Variants in RELN observed in about 807,000 individuals in gnomAD.
RELN encodes the protein reelin.
In RELN, 108 loss-of-function variants were observed where a neutral mutation model predicts 427.6. The observed-to-expected ratio is 0.25, with a 90% CI of 0.22 to 0.30. The LOEUF is 0.30. Among genes scored for constraint, RELN ranks in the 10% least tolerant of loss-of-function variants. RELN has a pLI of 1.00. For missense variants in RELN, 3,715 were observed against 4,302.8 expected, an observed-to-expected ratio of 0.86 and a Z score of 3.82; for synonymous variants, 1,524 against 1,513.4, an observed-to-expected ratio of 1.01 and a Z score of -0.16.
chr7:103,625,242 T>A lies in RELN; in HGVS notation c.2702+4698A>T, dbSNP rs542415880. ...CTTTCTATGATAACATATTCAGTGTTGCTAGAATGTAATCCATCTGTGTAG... is the reference window on the plus strand; with the variant it reads ...CTTTCTATGATAACATATTCAGTGTAGCTAGAATGTAATCCATCTGTGTAG... On this transcript the variant is annotated intron_variant, in intron 20 of 64. Transcript: ENST00000428762. Among the ~76,000 whole-genome samples the A allele has an allele frequency of 2.6e-5, 4 of 152,340 alleles. No homozygotes were observed. In the East Asian group the frequency reaches 7.7e-4, roughly 29 times the overall value.
Position 103,611,931 on chromosome 7 carries a change from G to A in RELN, c.2703-128C>T. On this transcript the variant is annotated intron_variant, in intron 20 of 64. Coordinates refer to ENST00000428762, the MANE Select transcript of RELN (RefSeq NM_005045.4). ...CTTGTTTAAACCTTGCCAAATTCTAGAATGGATTTCGGTCAATCTAATAAA... is the reference window on the plus strand; with the variant it reads ...CTTGTTTAAACCTTGCCAAATTCTAAAATGGATTTCGGTCAATCTAATAAA... The A allele has an allele frequency of 3.9e-6, 3 of 766,382 alleles. No homozygotes were observed. In the South Asian group the frequency reaches 4.7e-5, roughly 12 times the overall value. The allele number at this position is 766,382 out of a possible 1,614,324, so 47.5% of individuals were successfully genotyped here.
intron 6 of RELN, among the ~76,000 whole-genome samples, chr7:103,742,313 G>C (rs139121558): frequency 0.02 from 3,020 of 152,106 alleles, 99 homozygotes; most frequent in African/African-American, 0.07. Context: ...ACAAAGATGG[G>C]AAAAAAACAG....
intron 58 of RELN, 103 bp downstream of exon 58, chr7:103,491,850 T>TCACA (rs1488010276): frequency 8.9e-4 from 454 of 509,686 alleles, no homozygotes; most frequent in East Asian, 2.5e-3. Context: ...TCTCTCTCTC[T>TCACA]CTCTCTCACA....
chr7:103,890,971 C>T (rs188674918), intron 2 of RELN, among the ~76,000 whole-genome samples: 8 of 152,072 alleles, frequency 5.3e-5, no homozygotes, highest in Admixed American at 3.3e-4. Context: ...AGCTGTAATC[C>T]CTCAGGAGGT....
chr7:103,511,111 A>C lies in RELN; in HGVS notation c.8120-106T>G, dbSNP rs967761913. The C allele has an allele frequency of 5.3e-6, 4 of 759,570 alleles. No homozygotes were observed. In the Admixed American group the frequency reaches 8.0e-5, roughly 15 times the overall value. The allele number at this position is 759,570 out of a possible 1,614,324, so 47.1% of individuals were successfully genotyped here. On this transcript the variant is annotated intron_variant, in intron 50 of 64. Coordinates refer to ENST00000428762, the MANE Select transcript of RELN (RefSeq NM_005045.4). The stretch of plus-strand genomic sequence containing the variant: ...GAATTATTTTAAGTAGAAACTGCTC[A>C]TATTATATACACTCTATAGACAAAA...
At position 103,563,537 on chromosome 7, in the gene RELN, T is replaced by C. The variant is rs987602966; in HGVS notation, c.5211-1584A>G. The stretch of plus-strand genomic sequence containing the variant: ...AAAGTTTTAAAAAAAGTTTATATAA[T>C]GGAAAAGTTATAGTAAGGTAAATTT... On this transcript the variant is annotated intron_variant, in intron 34 of 64. Transcript: ENST00000428762. This position sits in a 1 kb window ranked among gnomAD's most constrained non-coding sequence, Gnocchi z 4.1. 5.9e-5 allele frequency among the ~76,000 whole-genome samples: 9 copies of C among 152,212 alleles called. No individual in the cohort carries two copies. Among genetic ancestry groups the C allele is most frequent in the South Asian group, 2.1e-4 (1 of 4,830 alleles).
At chr7:103,926,627 GTTTTTTTTTTTTTTTTTTTTT>G (rs60259062) in intron 1 of RELN, among the ~76,000 whole-genome samples, 8 of 99,480 alleles carry the variant, frequency 8.0e-5, no homozygotes, top group South Asian at 6.5e-4. Context: ...AGTATCATAA[GTTTTTTTTTTTTTTTTTTTTT>G]TTTTTTTTTT....
intron 8 of RELN, among the ~76,000 whole-genome samples, chr7:103,709,498 T>G (rs1332201604): frequency 6.6e-6 from 1 of 152,244 alleles, no homozygotes; most frequent in East Asian, 1.9e-4. Flanking sequence ...GGTTCATTGT[T>G]GTTACCCAGT....
chr7:103,649,786 A>G (rs1398769798), intron 16 of RELN, among the ~76,000 whole-genome samples: 1 of 151,902 alleles, frequency 6.6e-6, no homozygotes, highest in Non-Finnish European at 1.5e-5. Context: ...TTTCTATACT[A>G]TTTTCTGAAA....
Position 103,556,499 on chromosome 7 carries a change from C to T in RELN, c.5797+478G>A, listed in dbSNP as rs576545908. On this transcript the variant is annotated intron_variant, in intron 38 of 64. Coordinates refer to ENST00000428762, the MANE Select transcript of RELN (RefSeq NM_005045.4). ...TTGTTGATACGGTTTGGCTCTGTGTCCCCACCCAAATCTCATCTTGAATTG... is the reference window on the plus strand; with the variant it reads ...TTGTTGATACGGTTTGGCTCTGTGTTCCCACCCAAATCTCATCTTGAATTG... 3.3e-4 allele frequency among the ~76,000 whole-genome samples: 50 copies of T among 151,844 alleles called. No individual in the cohort carries two copies. In the Middle Eastern group the frequency reaches 0.01, roughly 31 times the overall value.
chr7:103,914,147 G>C (rs745918847), intron 2 of RELN, among the ~76,000 whole-genome samples: 4 of 152,046 alleles, frequency 2.6e-5, no homozygotes, highest in Non-Finnish European at 5.9e-5. Context: ...TTGAAGACCA[G>C]GTCTCTTAAA....
intron 57 of RELN, among the ~76,000 whole-genome samples, chr7:103,494,393 G>GT (rs60783765): frequency 0.14 from 21,647 of 150,582 alleles, 1,930 homozygotes; most frequent in African/African-American, 0.25. Flanking sequence ...GTGTGTGTGT[G>GT]GGATATGGTC....
chr7:103,811,964 AT>A (rs965361709), intron 3 of RELN, among the ~76,000 whole-genome samples: 1 of 152,246 alleles, frequency 6.6e-6, no homozygotes, highest in African/African-American at 2.4e-5. Context: ...TAGCATTTCT[AT>A]AAAGAATAAG....
intron 2 of RELN, among the ~76,000 whole-genome samples, chr7:103,863,825 T>TGCAA (rs1794129422): frequency 6.6e-6 from 1 of 152,114 alleles, no homozygotes; most frequent in Non-Finnish European, 1.5e-5. Flanking sequence ...ATCAATTTTT[T>TGCAA]TTTTTTTAGA....
At position 103,640,493 on chromosome 7, in the gene RELN, A is replaced by G. The variant is rs969637828; in HGVS notation, c.2069+50T>C. The G allele has an allele frequency of 2.6e-5, 41 of 1,572,434 alleles. No individual in the cohort carries two copies. The highest frequency in any genetic ancestry group is 3.4e-5 in the Non-Finnish European group (39 of 1,142,632). Reference sequence around the variant, plus strand: ...TAAATGACTTGCGACTTCAACACATACATTACACATCAAAAAGGAGAAGCA... The same window carrying G: ...TAAATGACTTGCGACTTCAACACATGCATTACACATCAAAAAGGAGAAGCA... On this transcript the variant is annotated intron_variant, in intron 17 of 64. Coordinates refer to ENST00000428762, the MANE Select transcript of RELN (RefSeq NM_005045.4). The surrounding 1 kb of genome is among the most constrained non-coding windows in gnomAD (Gnocchi z 4.1).
rs1293300854 is a variant in RELN at position 103,983,863 on chromosome 7, C to CTCTGTGTG, written c.226+5267_226+5268insCACACAGA. ...ATGTGACACAAAGAACTTCATATTT[C>CTCTGTGTG]TGTGTGTGTGTGTGTGTGTGTGTGT... On this transcript the variant is annotated intron_variant, in intron 1 of 64. Coordinates refer to ENST00000428762, the MANE Select transcript of RELN (RefSeq NM_005045.4). Among the ~76,000 whole-genome samples, 429 of 148,536 alleles carry CTCTGTGTG rather than the reference C, an allele frequency of 2.9e-3. 3 individuals are homozygous for CTCTGTGTG. The highest frequency in any genetic ancestry group is 9.9e-3 in the African/African-American group (399 of 40,326).
intron 62 of RELN, among the ~76,000 whole-genome samples, chr7:103,483,273 G>T (rs1349942755): frequency 6.6e-6 from 1 of 152,160 alleles, no homozygotes; most frequent in Non-Finnish European, 1.5e-5. Context: ...TAGAAGCTGG[G>T]CTTACAATGC....
chr7:103,522,945 C>T (rs573828122), intron 47 of RELN, among the ~76,000 whole-genome samples: 1 of 152,060 alleles, frequency 6.6e-6, no homozygotes, highest in African/African-American at 2.4e-5. Flanking sequence ...GGTAAATTGA[C>T]CAGACATCTA....
At position 103,472,699 on chromosome 7, in the gene RELN, T is replaced by A. The variant is rs1471876143; in HGVS notation, c.*113A>T. 3 of 850,554 alleles carry A rather than the reference T, an allele frequency of 3.5e-6. No homozygotes were observed. Among genetic ancestry groups the A allele is most frequent in the Non-Finnish European group, 5.9e-6 (3 of 509,688 alleles). The allele number at this position is 850,554 out of a possible 1,614,324, so 52.7% of individuals were successfully genotyped here. A position where few individuals can be genotyped will look rare whatever the true frequency, so the allele number is the denominator to read the frequency against. ...CTCGGTCTTGAGAAGGGCTTTCAGG[T>A]AATCACCAAGTCCTTCACAGATATT... On this transcript the variant is annotated 3_prime_UTR_variant, in exon 65 of 65. Coordinates refer to ENST00000428762, the MANE Select transcript of RELN (RefSeq NM_005045.4).
Sources: gnomAD v4.1 joint callset for allele counts (sites outside exome capture counted in the v4.1 genomes callset) on GRCh38, gnomAD v4.1.1 for gene constraint, Gnocchi (gnomAD v3.1) non-coding constraint, MANE v1.5 for transcripts, NCBI Gene and HGNC (gene_info 2026-07-23, HGNC 2026-07-21) for gene names.